The following SAMTOR variants were observed in gnomAD, a reference collection of about 807,000 sequenced individuals.
SAMTOR encodes the protein S-adenosylmethionine sensor upstream of mTORC1.
At chr7:112,932,334 C>T in the SAMTOR span, among the ~76,000 whole-genome samples, 1 of 151,982 alleles carries the variant, frequency 6.6e-6, no homozygotes, top group African/African-American at 2.4e-5. Context: ...GATATATTTA[C>T]CATTATATTT....
the SAMTOR span, among the ~76,000 whole-genome samples, chr7:112,929,137 G>A: frequency 1.3e-5 from 2 of 151,614 alleles, no homozygotes; most frequent in Admixed American, 1.3e-4. Context: ...AAGTTAGCAA[G>A]TATATATGTG....
the SAMTOR span, among the ~76,000 whole-genome samples, chr7:112,838,716 CAAT>C: frequency 4.1e-4 from 62 of 151,578 alleles, no homozygotes; most frequent in Non-Finnish European, 3.0e-5. Context: ...ATTCTAAAGA[CAAT>C]AATCTTGATG....
At chr7:112,865,991 C>T in the SAMTOR span, among the ~76,000 whole-genome samples, 1 of 151,554 alleles carries the variant, frequency 6.6e-6, no homozygotes, top group Non-Finnish European at 1.5e-5. Context: ...TCATGATATT[C>T]TCCAGAAATA....
the SAMTOR span, among the ~76,000 whole-genome samples, chr7:112,909,710 C>T: frequency 6.6e-6 from 1 of 151,746 alleles, no homozygotes; most frequent in Non-Finnish European, 1.5e-5. Flanking sequence ...TAATTCAGAA[C>T]CAAGTCCTTC....
chr7:112,901,079 A>T, the SAMTOR span, among the ~76,000 whole-genome samples: 1 of 152,228 alleles, frequency 6.6e-6, no homozygotes, highest in Non-Finnish European at 1.5e-5. Flanking sequence ...TGTGAAAGAC[A>T]TTGTCAAGAG....
the SAMTOR span, chr7:112,915,583 A>G: frequency 1.9e-6 from 1 of 527,654 alleles, no homozygotes; most frequent in Non-Finnish European, 3.0e-6. Context: ...AATTTTAAAC[A>G]TTTAAAATGT....
the SAMTOR span, among the ~76,000 whole-genome samples, chr7:112,927,343 TA>T: frequency 6.6e-6 from 1 of 152,094 alleles, no homozygotes; most frequent in African/African-American, 2.4e-5. Context: ...TTTTCATTAT[TA>T]AAAGGTAAAT....
chr7:112,853,928 G>A, the SAMTOR span, among the ~76,000 whole-genome samples: 3 of 152,082 alleles, frequency 2.0e-5, no homozygotes, highest in African/African-American at 7.2e-5. Flanking sequence ...GTATCTTTTA[G>A]AGCAGGGAAA....
At chr7:112,847,296 A>T in the SAMTOR span, among the ~76,000 whole-genome samples, 1 of 152,212 alleles carries the variant, frequency 6.6e-6, no homozygotes, top group East Asian at 1.9e-4. Flanking sequence ...GTACAACAGG[A>T]TCTTTATTTT....
chr7:112,834,457 T>C, the SAMTOR span, among the ~76,000 whole-genome samples: 1 of 152,248 alleles, frequency 6.6e-6, no homozygotes, highest in East Asian at 1.9e-4. Flanking sequence ...AGTCCCCCCT[T>C]ATCTGGTGTT....
At chr7:112,870,022 G>C in the SAMTOR span, among the ~76,000 whole-genome samples, 1 of 151,998 alleles carries the variant, frequency 6.6e-6, no homozygotes, top group East Asian at 1.9e-4. Context: ...AAGAAGAAAA[G>C]AACACAAAGC....
chr7:112,883,213 TCTTC>T, the SAMTOR span, among the ~76,000 whole-genome samples: 1 of 152,174 alleles, frequency 6.6e-6, no homozygotes, highest in Non-Finnish European at 1.5e-5. Flanking sequence ...CTCCTTCCCC[TCTTC>T]CTTTTTTCCA....
At chr7:112,924,009 C>T in the SAMTOR span, among the ~76,000 whole-genome samples, 21 of 140,956 alleles carry the variant, frequency 1.5e-4, no homozygotes, top group South Asian at 6.6e-4. Flanking sequence ...CACTTGGACA[C>T]AGGAAGGGGA....
chr7:112,862,335 CCT>C, the SAMTOR span, among the ~76,000 whole-genome samples: 1 of 152,060 alleles, frequency 6.6e-6, no homozygotes. Flanking sequence ...ATTAATTTTC[CCT>C]GTTTCAAACC....
the SAMTOR span, among the ~76,000 whole-genome samples, chr7:112,882,830 T>G: frequency 6.0e-5 from 9 of 151,240 alleles, no homozygotes; most frequent in East Asian, 1.6e-3. Context: ...TAACATCTTT[T>G]GCTCACTAGG....
At chr7:112,857,109 G>A in the SAMTOR span, among the ~76,000 whole-genome samples, 49 of 129,558 alleles carry the variant, frequency 3.8e-4, no homozygotes, top group African/African-American at 1.1e-3. Flanking sequence ...TTTTTGAGAC[G>A]GAGTCTCGCC....
the SAMTOR span, chr7:112,822,258 C>A: frequency 1.2e-6 from 2 of 1,613,346 alleles, no homozygotes. Flanking sequence ...GAAAAGCTCT[C>A]CAGGAAGAGA....
chr7:112,840,643 C>T, the SAMTOR span, among the ~76,000 whole-genome samples: 1 of 151,790 alleles, frequency 6.6e-6, no homozygotes, highest in African/African-American at 2.4e-5. Flanking sequence ...GATAATTCCT[C>T]TTCAATTCAT....
the SAMTOR span, among the ~76,000 whole-genome samples, chr7:112,854,773 A>G: frequency 1.2e-3 from 176 of 152,324 alleles, 1 homozygote; most frequent in African/African-American, 4.2e-3. Context: ...GAGACCAGAG[A>G]TCTGAGAATA....
Sources: gnomAD v4.1 joint callset for allele counts (sites outside exome capture counted in the v4.1 genomes callset) on GRCh38, gnomAD v4.1.1 for gene constraint, MANE v1.5 for transcripts, NCBI Gene and HGNC (gene_info 2026-07-23, HGNC 2026-07-21) for gene names.